Variants in GPD1L observed in about 807,000 individuals in gnomAD.
GPD1L encodes glycerol-3-phosphate dehydrogenase 1 like, also known as glycerol-3-phosphate dehydrogenase 1-like protein.
GPD1L carries 17 observed loss-of-function variants against 32.9 expected under a neutral mutation model. The ratio of observed to expected loss-of-function variants is 0.52; its 90% CI spans 0.35 to 0.78. The LOEUF (loss-of-function observed/expected upper bound fraction) is 0.78, where lower values mean the gene tolerates loss of function less well. Among genes scored for constraint, GPD1L ranks in the 30% least tolerant of loss-of-function variants. GPD1L has a pLI of 0.01. For missense variants in GPD1L, 361 were observed against 447.8 expected (o/e 0.81, Z 1.75); for synonymous variants, 187 against 165.9 (o/e 1.13, Z -0.98).
In GPD1L at chr3:32,143,032, T is replaced by TTA. The variant is rs1197246127; in HGVS notation, c.505+2666_505+2667insTA. Among the ~76,000 whole-genome samples, 488 of 152,104 alleles carry TTA rather than the reference T, an allele frequency of 3.2e-3. 3 individuals carry two copies. The highest frequency in any genetic ancestry group is 0.011 in the African/African-American group (463 of 41,484). On this transcript the variant is annotated intron_variant, in intron 4 of 7. Coordinates refer to ENST00000282541, the MANE Select transcript of GPD1L (RefSeq NM_015141.4). ...CCAAAAAAGAAAAAAAAAAATTTTT[T>TTA]AATTAGCCTGGTATGGTAGTACATA...
chr3:32,153,521 C>G (rs1700948511), intron 5 of GPD1L, among the ~76,000 whole-genome samples: 1 of 152,192 alleles, frequency 6.6e-6, no homozygotes, highest in Admixed American at 6.5e-5. Flanking sequence ...CTAGGTGGGC[C>G]AAGTGTGGGC....
intron 1 of GPD1L, among the ~76,000 whole-genome samples, chr3:32,119,279 T>A (rs964892987): frequency 6.6e-6 from 1 of 152,238 alleles, no homozygotes; most frequent in Non-Finnish European, 1.5e-5. Context: ...CCAACACTTA[T>A]TATTTTCTGT....
At chr3:32,117,139 T>C (rs1389520383) in intron 1 of GPD1L, among the ~76,000 whole-genome samples, 1 of 152,248 alleles carries the variant, frequency 6.6e-6, no homozygotes. Flanking sequence ...TCCATATCTA[T>C]ACATAAAGAA....
intron 1 of GPD1L, among the ~76,000 whole-genome samples, chr3:32,115,730 C>T (rs974789815): frequency 7.3e-6 from 1 of 137,300 alleles, no homozygotes. Flanking sequence ...TGTCTTCAAG[C>T]ATCTAAACCC....
chr3:32,161,208 G>A (rs11707121), intron 7 of GPD1L, among the ~76,000 whole-genome samples: 60,268 of 151,928 alleles, frequency 0.4, 13,084 homozygotes, highest in East Asian at 0.6. Flanking sequence ...AATCAGCCAT[G>A]GAGTTCTGTA....
intron 2 of GPD1L, among the ~76,000 whole-genome samples, chr3:32,131,397 C>T (rs1401300706): frequency 6.6e-6 from 1 of 152,184 alleles, no homozygotes; most frequent in Non-Finnish European, 1.5e-5. Context: ...TTCATAGTCA[C>T]CTCCTGTTTT....
intron 5 of GPD1L, among the ~76,000 whole-genome samples, chr3:32,155,965 C>T (rs1457222494): frequency 6.6e-6 from 1 of 152,146 alleles, no homozygotes; most frequent in East Asian, 1.9e-4. Context: ...GGAAGGGCGT[C>T]CAGACCTAGG....
In GPD1L at chr3:32,159,746, G is replaced by A. The variant is rs575130003; in HGVS notation, c.959+72G>A. On this transcript the variant is annotated intron_variant, in intron 7 of 7. Coordinates refer to ENST00000282541, the MANE Select transcript of GPD1L (RefSeq NM_015141.4). ...CTATTCTCAGGACTTCCAGCCCCAC[G>A]GAGATGAGCTAGACTATTTGACAAG... 2.1e-4 allele frequency: 190 copies of A among 917,836 alleles called. No homozygotes were observed. The African/African-American group carries it at 2.2e-3, about 11-fold the overall frequency. The allele number at this position is 917,836 out of a possible 1,614,324, so 56.9% of individuals were successfully genotyped here. A position where few individuals can be genotyped will look rare whatever the true frequency, so the allele number is the denominator to read the frequency against.
chr3:32,135,761 G>A (rs1039995001), intron 2 of GPD1L, among the ~76,000 whole-genome samples: 4 of 152,106 alleles, frequency 2.6e-5, no homozygotes, highest in South Asian at 2.1e-4. Context: ...AGCCTTCATC[G>A]GGAGATTAAT....
chr3:32,163,487 T>A (rs773303258), intron 7 of GPD1L, among the ~76,000 whole-genome samples: 3 of 152,200 alleles, frequency 2.0e-5, no homozygotes, highest in Non-Finnish European at 2.9e-5. Flanking sequence ...GTCATTTTTT[T>A]AAATGAAATG....
chr3:32,143,026 A>AT (rs1459925154), intron 4 of GPD1L, among the ~76,000 whole-genome samples: 1 of 151,276 alleles, frequency 6.6e-6, no homozygotes, highest in Non-Finnish European at 1.5e-5. Flanking sequence ...AAAAAAAAAA[A>AT]TTTTTTAATT....
At chr3:32,107,488 T>C (rs150923987) in intron 1 of GPD1L, among the ~76,000 whole-genome samples, 2 of 152,270 alleles carry the variant, frequency 1.3e-5, no homozygotes, top group African/African-American at 4.8e-5. Flanking sequence ...CTCTGGTGTG[T>C]TTGGGTGAAT....
intron 1 of GPD1L, among the ~76,000 whole-genome samples, chr3:32,125,779 C>T (rs1452691705): frequency 7.0e-6 from 1 of 142,216 alleles, no homozygotes; most frequent in African/African-American, 3.1e-5. Flanking sequence ...GTATTACCAC[C>T]ATCTGGCCCA....
intron 2 of GPD1L, among the ~76,000 whole-genome samples, chr3:32,137,653 AG>A (rs1700685148): frequency 3.9e-5 from 6 of 152,226 alleles, no homozygotes; most frequent in Non-Finnish European, 8.8e-5. Context: ...AAGGAAGAAC[AG>A]ATACTAGGTG....
chr3:32,165,389 T>G (rs1701132124), intron 7 of GPD1L, among the ~76,000 whole-genome samples: 1 of 152,128 alleles, frequency 6.6e-6, no homozygotes, highest in Admixed American at 6.5e-5. Context: ...CTACATTATT[T>G]GTTACCTTGG....
rs570688821 is a variant in GPD1L at position 32,167,477 on chromosome 3, C to T, written c.*1567C>T. 1 of 152,720 alleles carries T rather than the reference C, an allele frequency of 6.5e-6. No homozygotes were observed. Among genetic ancestry groups the T allele is most frequent in the African/African-American group, 2.4e-5 (1 of 41,550 alleles). 9.5% of individuals were successfully genotyped at this position (152,720 alleles called of 1,614,324 possible). On this transcript the variant is annotated 3_prime_UTR_variant, in exon 8 of 8. Coordinates refer to ENST00000282541, the MANE Select transcript of GPD1L (RefSeq NM_015141.4). ...TGGTTCTGAACTTTTACAGTTCAGG[C>T]CTGCTGTGAATCTTTGATGAAGCTT...
At chr3:32,148,830 G>T (rs2125492000) in intron 5 of GPD1L, among the ~76,000 whole-genome samples, 1 of 152,256 alleles carries the variant, frequency 6.6e-6, no homozygotes, top group East Asian at 1.9e-4. Flanking sequence ...AAATAACAGT[G>T]ATGGGTTTTT....
At position 32,123,067 on chromosome 3, in the gene GPD1L, C is replaced by A. The variant is rs994341700; in HGVS notation, c.48-5009C>A. Among the ~76,000 whole-genome samples, 5 of 151,928 alleles carry A rather than the reference C, an allele frequency of 3.3e-5. No individual in the cohort carries two copies. In the South Asian group the frequency reaches 6.2e-4, roughly 19 times the overall value. ...CTACAGGTGCAGCCGCCATGCCCAG[C>A]TAATTTTTTATTTTTTGTAGAGACA... is the stretch of plus-strand genomic sequence containing the variant. On this transcript the variant is annotated intron_variant, in intron 1 of 7. Coordinates refer to ENST00000282541, the MANE Select transcript of GPD1L (RefSeq NM_015141.4).
At chr3:32,107,299 A>G (rs1700178366) in intron 1 of GPD1L, among the ~76,000 whole-genome samples, 1 of 152,194 alleles carries the variant, frequency 6.6e-6, no homozygotes, top group Admixed American at 6.5e-5. Flanking sequence ...GCGTCGTATC[A>G]GGAAGAAAAT....
Sources: allele counts gnomAD v4.1 joint callset (sites outside exome capture counted in the v4.1 genomes callset), GRCh38; gene constraint gnomAD v4.1.1; transcripts MANE v1.5; gene names NCBI Gene and HGNC (gene_info 2026-07-23, HGNC 2026-07-21).